LRRFIP2: variants seen among roughly 807,000 people sequenced by gnomAD.
LRRFIP2 encodes the protein LRR binding FLII interacting protein 2.
Under a neutral mutation model 125.9 loss-of-function variants are expected in LRRFIP2, and 109 were observed. The ratio of observed to expected loss-of-function variants is 0.87; its 90% CI spans 0.74 to 1.01. The LOEUF is 1.01. Among genes scored for constraint, LRRFIP2 ranks in the 50% least tolerant of loss-of-function variants. LRRFIP2 has a pLI of 0.00. For missense variants in LRRFIP2, 850 were observed against 862.3 expected, an observed-to-expected ratio of 0.99 and a Z score of 0.18; for synonymous variants, 291 against 293.1, an observed-to-expected ratio of 0.99 and a Z score of 0.07.
chr3:37,138,339 T>C (rs528832398), intron 2 of LRRFIP2, among the ~76,000 whole-genome samples: 6 of 152,226 alleles, frequency 3.9e-5, no homozygotes, highest in African/African-American at 7.2e-5. Flanking sequence ...AATCGTATTC[T>C]AAATTTTCCA....
chr3:37,117,709 T>C (rs892325849), intron 6 of LRRFIP2, among the ~76,000 whole-genome samples: 1 of 152,188 alleles, frequency 6.6e-6, no homozygotes, highest in African/African-American at 2.4e-5. Flanking sequence ...AGAAAGTACA[T>C]ACAGTGAACA....
At chr3:37,156,404 T>G (rs2096194456) in intron 1 of LRRFIP2, among the ~76,000 whole-genome samples, 2 of 151,250 alleles carry the variant, frequency 1.3e-5, no homozygotes, top group Non-Finnish European at 2.9e-5. Context: ...CCAGGCACGG[T>G]GGCTCATGCC....
intron 15 of LRRFIP2, among the ~76,000 whole-genome samples, chr3:37,100,874 T>G (rs914259494): frequency 1.3e-5 from 2 of 152,130 alleles, no homozygotes; most frequent in Non-Finnish European, 2.9e-5. Flanking sequence ...AGTTATTGAT[T>G]AGACCCACAC....
At chr3:37,172,802 G>A (rs1354864732) in intron 1 of LRRFIP2, 3 of 152,214 alleles carry the variant, frequency 2.0e-5, no homozygotes, top group Non-Finnish European at 4.4e-5. Flanking sequence ...TTTTAGCCTA[G>A]TTGTTTGACT....
intron 24 of LRRFIP2, among the ~76,000 whole-genome samples, chr3:37,062,958 T>A (rs1335490809): frequency 6.6e-6 from 1 of 152,086 alleles, no homozygotes; most frequent in Non-Finnish European, 1.5e-5. Context: ...ACCACATCTA[T>A]GTACCGAGAG....
In LRRFIP2 at chr3:37,054,461, C is replaced by T; in HGVS notation, c.2005G>A (p.Glu669Lys). The T allele has an allele frequency of 1.2e-6, 2 of 1,614,058 alleles. No individual in the cohort carries two copies. Among genetic ancestry groups the T allele is most frequent in the Non-Finnish European group, 1.7e-6 (2 of 1,179,972 alleles). ...LRYKTAAENAEKVEDELKAEK... is the reference protein window; with the variant it reads ...LRYKTAAENAKKVEDELKAEK... ...GCTTTCAATTCATCTTCAACTTTCT[C>T]AGCATTCTCAGCAGCAGTTTTATAT... is the stretch of plus-strand genomic sequence containing the variant. Residue 669 changes from glutamate (E) to lysine (K), a missense_variant, in exon 27 of 28, where the codon GAG (glutamate) becomes AAG (lysine). By Grantham distance (56) the Glu-to-Lys change is moderately conservative. Coordinates refer to ENST00000336686, the MANE Select transcript of LRRFIP2 (RefSeq NM_006309.4).
chr3:37,098,080 T>C lies in LRRFIP2; in HGVS notation c.874-1420A>G, dbSNP rs148707972. Among the ~76,000 whole-genome samples the C allele has an allele frequency of 4.4e-3, 645 of 147,684 alleles. 4 individuals are homozygous for C. The highest frequency in any genetic ancestry group is 0.015 in the African/African-American group (610 of 41,024). On this transcript the variant is annotated intron_variant, in intron 15 of 27. Transcript: ENST00000336686. ...ATCTGAAAGTTTTTAGTGTTCTTTTTATTACCCACACTTATGTTTATAAAT... is the reference window on the plus strand; with the variant it reads ...ATCTGAAAGTTTTTAGTGTTCTTTTCATTACCCACACTTATGTTTATAAAT...
At chr3:37,119,807 G>A (rs2094946078) in intron 6 of LRRFIP2, among the ~76,000 whole-genome samples, 1 of 151,996 alleles carries the variant, frequency 6.6e-6, no homozygotes, top group Non-Finnish European at 1.5e-5. Flanking sequence ...TTACAGGCGT[G>A]AGCCACTACA....
At chr3:37,075,514 A>G (rs138130848) in intron 19 of LRRFIP2, among the ~76,000 whole-genome samples, 33 of 152,286 alleles carry the variant, frequency 2.2e-4, no homozygotes, top group African/African-American at 7.5e-4. Flanking sequence ...TCAAAAACCT[A>G]TATGAGGAAA....
intron 6 of LRRFIP2, among the ~76,000 whole-genome samples, chr3:37,117,538 G>T (rs941207692): frequency 1.6e-4 from 24 of 151,748 alleles, no homozygotes; most frequent in African/African-American, 5.1e-4. Context: ...AAATAGTAAG[G>T]GCTCATTTCC....
chr3:37,166,996 C>G (rs932487821), intron 1 of LRRFIP2, among the ~76,000 whole-genome samples: 18 of 151,228 alleles, frequency 1.2e-4, no homozygotes, highest in African/African-American at 4.4e-4. Context: ...GCCTGGGCAA[C>G]AAGGGCGAAA....
At chr3:37,076,512 G>A (rs1192750273) in intron 19 of LRRFIP2, among the ~76,000 whole-genome samples, 1 of 151,952 alleles carries the variant, frequency 6.6e-6, no homozygotes, top group Non-Finnish European at 1.5e-5. Flanking sequence ...TGACGACGGA[G>A]TGAGACTCTG....
At chr3:37,130,114 A>G (rs903888481) in intron 2 of LRRFIP2, among the ~76,000 whole-genome samples, 7 of 152,204 alleles carry the variant, frequency 4.6e-5, no homozygotes, top group Non-Finnish European at 8.8e-5. Flanking sequence ...ACCCATTAGT[A>G]GTCATTCCCC....
chr3:37,128,260 A>C (rs890005671), intron 3 of LRRFIP2, among the ~76,000 whole-genome samples: 1 of 152,174 alleles, frequency 6.6e-6, no homozygotes, highest in African/African-American at 2.4e-5. Flanking sequence ...ACCAAAATCA[A>C]AAGAAAGTGT....
chr3:37,086,570 C>A (rs2093062336), intron 18 of LRRFIP2, among the ~76,000 whole-genome samples: 1 of 152,004 alleles, frequency 6.6e-6, no homozygotes, highest in Non-Finnish European at 1.5e-5. Context: ...GATAACATGA[C>A]ATGGGTGAAT....
chr3:37,154,674 T>C (rs1326152462), intron 1 of LRRFIP2: 2 of 152,224 alleles, frequency 1.3e-5, no homozygotes, highest in Admixed American at 1.3e-4. Context: ...AACAGACAGA[T>C]ATTTCAATAA....
chr3:37,123,174 T>C (rs1407822139), intron 4 of LRRFIP2, among the ~76,000 whole-genome samples: 2 of 146,552 alleles, frequency 1.4e-5, no homozygotes, highest in South Asian at 2.1e-4. Context: ...TTTACATTTG[T>C]TGTTGTTGTT....
intron 14 of LRRFIP2, among the ~76,000 whole-genome samples, chr3:37,103,590 C>T (rs919102981): frequency 5.9e-5 from 9 of 152,154 alleles, no homozygotes; most frequent in Non-Finnish European, 5.9e-5. Context: ...TAGGCCTTGG[C>T]ACTGGCCTAG....
intron 1 of LRRFIP2, among the ~76,000 whole-genome samples, chr3:37,170,181 A>C (rs2096565880): frequency 6.6e-6 from 1 of 152,202 alleles, no homozygotes; most frequent in Non-Finnish European, 1.5e-5. Flanking sequence ...AATCTAAAGC[A>C]AAAAAGTGGG....
Sources: gnomAD v4.1 joint callset for allele counts (sites outside exome capture counted in the v4.1 genomes callset) on GRCh38, gnomAD v4.1.1 for gene constraint, MANE v1.5 for transcripts, NCBI Gene and HGNC (gene_info 2026-07-23, HGNC 2026-07-21) for gene names.